The following SHOC2 variants were observed in gnomAD, a reference collection of about 807,000 sequenced individuals.
The protein encoded by SHOC2 is leucine-rich repeat protein SHOC-2.
In SHOC2, 4 loss-of-function variants were observed where a neutral mutation model predicts 50.2. The ratio of observed to expected loss-of-function variants is 0.08; its 90% CI spans 0.04 to 0.18. The LOEUF is 0.18. Among genes scored for constraint, SHOC2 ranks in the 10% least tolerant of loss-of-function variants. SHOC2 has a pLI of 1.00. For synonymous variants in SHOC2, 218 were observed against 244.5 expected, an observed-to-expected ratio of 0.89 and a Z score of 1.01; for missense variants, 388 against 669.6, an observed-to-expected ratio of 0.58 and a Z score of 4.64.
intron 4 of SHOC2, 148 bp from the exon 5 acceptor site, chr10:111,004,458 T>C: frequency 1.5e-6 from 1 of 655,346 alleles, no homozygotes. Flanking sequence ...ACTGTCCCTG[T>C]AGAGAAGTGT....
intron 1 of SHOC2, among the ~76,000 whole-genome samples, chr10:110,920,806 C>T (rs900158167): frequency 6.6e-6 from 1 of 152,176 alleles, no homozygotes; most frequent in Non-Finnish European, 1.5e-5. Flanking sequence ...AATTAGGTTG[C>T]AGATGTGGAC....
intron 1 of SHOC2, among the ~76,000 whole-genome samples, chr10:110,943,239 C>T (rs771950424): frequency 4.6e-5 from 7 of 150,606 alleles, no homozygotes; most frequent in African/African-American, 9.7e-5. Context: ...TCTGAGGCTC[C>T]GTTTCTTTTT....
At chr10:110,989,067 T>C in intron 3 of SHOC2, 2 of 492,156 alleles carry the variant, frequency 4.1e-6, no homozygotes, top group Non-Finnish European at 7.9e-6. Context: ...TATTATTGAC[T>C]TCTAATTTAC....
Position 110,988,843 on chromosome 10 carries a change from A to G in SHOC2, c.841+3078A>G, listed in dbSNP as rs914298774. 2.5e-5 allele frequency: 11 copies of G among 447,438 alleles called. No homozygotes were observed. In the Admixed American group the frequency reaches 2.8e-4, roughly 11 times the overall value. The allele number at this position is 447,438 out of a possible 1,614,324, so 27.7% of individuals were successfully genotyped here. A position where few individuals can be genotyped will look rare whatever the true frequency, so the allele number is the denominator to read the frequency against. On this transcript the variant is annotated intron_variant, in intron 3 of 8. Coordinates refer to ENST00000369452, the MANE Select transcript of SHOC2 (RefSeq NM_007373.4). ...TCCCCTTAAGTACTGCTTCAGCAGC[A>G]TCCCACAAATTCTGATATGTTGTAT...
chr10:110,949,958 A>G (rs73343879), intron 1 of SHOC2, among the ~76,000 whole-genome samples: 15,513 of 152,212 alleles, frequency 0.1, 1,200 homozygotes, highest in East Asian at 0.24. Context: ...GCCCTCAGGT[A>G]GCTGGAAGCT....
intron 8 of SHOC2, 25 bp downstream of exon 8, chr10:111,009,855 T>C (rs1486527367): frequency 3.4e-6 from 4 of 1,189,750 alleles, no homozygotes; most frequent in Non-Finnish European, 5.0e-6. Context: ...AATGCTTGAC[T>C]CTGTACTAAT....
intron 1 of SHOC2, among the ~76,000 whole-genome samples, chr10:110,960,250 T>G: frequency 6.6e-6 from 1 of 152,376 alleles, no homozygotes; most frequent in East Asian, 1.9e-4. Flanking sequence ...ACTTTTATGC[T>G]AAACTGACAG....
intron 2 of SHOC2, among the ~76,000 whole-genome samples, chr10:110,966,204 A>G (rs1463671087): frequency 6.6e-6 from 1 of 152,114 alleles, no homozygotes; most frequent in African/African-American, 2.4e-5. Context: ...GACAATCCAA[A>G]TATTAATTAA....
intron 1 of SHOC2, among the ~76,000 whole-genome samples, chr10:110,938,500 T>C (rs1847073249): frequency 6.6e-6 from 1 of 152,172 alleles, no homozygotes; most frequent in Non-Finnish European, 1.5e-5. Flanking sequence ...TGTTTTAATT[T>C]GATAATAGTG....
At chr10:110,983,598 G>A (rs568726993) in intron 2 of SHOC2, among the ~76,000 whole-genome samples, 1 of 152,122 alleles carries the variant, frequency 6.6e-6, no homozygotes, top group South Asian at 2.1e-4. Flanking sequence ...GCTGTGCAAC[G>A]ATTACCATTA....
intron 2 of SHOC2, among the ~76,000 whole-genome samples, chr10:110,980,158 CT>C (rs745350568): frequency 0.12 from 16,120 of 135,740 alleles, 978 homozygotes; most frequent in Non-Finnish European, 0.17. Context: ...ATTCCTGTCA[CT>C]TTTTTTTTTT....
At chr10:110,958,955 C>A (rs1395069757) in intron 1 of SHOC2, among the ~76,000 whole-genome samples, 1 of 151,992 alleles carries the variant, frequency 6.6e-6, no homozygotes, top group Non-Finnish European at 1.5e-5. Context: ...TTCTGTAACA[C>A]TTCCTTACTC....
At chr10:111,001,962 C>A (rs1161902052) in intron 4 of SHOC2, among the ~76,000 whole-genome samples, 1 of 151,852 alleles carries the variant, frequency 6.6e-6, no homozygotes, top group African/African-American at 2.4e-5. Flanking sequence ...TGGCTTGTGG[C>A]TTGAACCCGG....
At chr10:111,002,706 C>T (rs988890754) in intron 4 of SHOC2, among the ~76,000 whole-genome samples, 2 of 151,770 alleles carry the variant, frequency 1.3e-5, no homozygotes, top group Admixed American at 6.6e-5. Context: ...TATTGATTAT[C>T]TAATTAATCC....
chr10:110,957,537 C>A (rs56137343), intron 1 of SHOC2, among the ~76,000 whole-genome samples: 15,834 of 150,050 alleles, frequency 0.11, 1,129 homozygotes, highest in Middle Eastern at 0.16. Flanking sequence ...AAGATACCCC[C>A]CCCCCAGCCC....
chr10:110,954,615 G>A (rs568936177), intron 1 of SHOC2, among the ~76,000 whole-genome samples: 1 of 152,292 alleles, frequency 6.6e-6, no homozygotes, highest in African/African-American at 2.4e-5. Flanking sequence ...ATGGAAGGAA[G>A]TCTTACAGAG....
At chr10:110,991,101 T>A (rs1371096835) in intron 3 of SHOC2, among the ~76,000 whole-genome samples, 1 of 152,322 alleles carries the variant, frequency 6.6e-6, no homozygotes, top group East Asian at 1.9e-4. Flanking sequence ...CTGTCTCAAA[T>A]AGTCTAACAA....
chr10:110,925,582 C>T (rs1044124786), intron 1 of SHOC2, among the ~76,000 whole-genome samples: 2 of 152,106 alleles, frequency 1.3e-5, no homozygotes, highest in East Asian at 1.9e-4. Context: ...TTTAACCTCT[C>T]GTGTAACTGG....
intron 1 of SHOC2, among the ~76,000 whole-genome samples, chr10:110,920,378 A>ATG (rs1416366372): frequency 6.6e-6 from 1 of 152,126 alleles, no homozygotes; most frequent in Non-Finnish European, 1.5e-5. Flanking sequence ...CGACTTCCCC[A>ATG]GGCTCATAAC....
Sources: allele counts gnomAD v4.1 joint callset (sites outside exome capture counted in the v4.1 genomes callset), GRCh38; gene constraint gnomAD v4.1.1; transcripts MANE v1.5; gene names NCBI Gene and HGNC (gene_info 2026-07-23, HGNC 2026-07-21).